Variants in PDZRN4 observed in about 807,000 individuals in gnomAD.
PDZRN4 encodes the protein PDZ domain-containing RING finger protein 4.
A neutral mutation model predicts 99.0 loss-of-function variants in PDZRN4; 70 were observed. The ratio of observed to expected loss-of-function variants is 0.71; its 90% CI spans 0.58 to 0.86. The LOEUF (loss-of-function observed/expected upper bound fraction) is 0.86. PDZRN4 is among the 40% of genes least tolerant of loss of function. The pLI is 0.00. For synonymous variants in PDZRN4, 551 were observed against 501.6 expected (o/e 1.10, Z -1.32); for missense variants, 1,474 against 1,331.2 (o/e 1.11, Z -1.67).
At chr12:41,469,878 A>C (rs542322509) in intron 3 of PDZRN4, among the ~76,000 whole-genome samples, 80 of 152,268 alleles carry the variant, frequency 5.3e-4, no homozygotes, top group African/African-American at 1.8e-3. Flanking sequence ...TGCAGTGAGC[A>C]GAGATCACGC....
chr12:41,505,250 C>A (rs1364465526), intron 3 of PDZRN4, among the ~76,000 whole-genome samples: 2 of 152,148 alleles, frequency 1.3e-5, no homozygotes, highest in Non-Finnish European at 2.9e-5. Context: ...GCCTCACCAA[C>A]AGGCGGGTGG....
intron 3 of PDZRN4, among the ~76,000 whole-genome samples, chr12:41,469,008 CA>C (rs11322310): frequency 0.53 from 74,776 of 141,110 alleles, 19,438 homozygotes; most frequent in African/African-American, 0.68. Context: ...GATTCTGTCT[CA>C]AAAAAAAAAA....
chr12:41,559,162 A>G (rs1939221340), intron 7 of PDZRN4, among the ~76,000 whole-genome samples: 1 of 142,814 alleles, frequency 7.0e-6, no homozygotes, highest in Non-Finnish European at 1.5e-5. Flanking sequence ...ACCCAATGAC[A>G]TCTCACTCAC....
chr12:41,511,164 C>T (rs549475394), intron 5 of PDZRN4, among the ~76,000 whole-genome samples: 9 of 152,010 alleles, frequency 5.9e-5, no homozygotes, highest in African/African-American at 1.9e-4. Context: ...ATCACTTCAA[C>T]TTTTTATTTG....
chr12:41,477,816 G>T, intron 3 of PDZRN4: 1 of 1,134,618 alleles, frequency 8.8e-7, no homozygotes, highest in Non-Finnish European at 1.3e-6. Flanking sequence ...ATGTGGTAAT[G>T]ATTTTGATTA....
chr12:41,386,745 C>G (rs1565568933), intron 3 of PDZRN4, among the ~76,000 whole-genome samples: 1 of 152,102 alleles, frequency 6.6e-6, no homozygotes, highest in South Asian at 2.1e-4. Context: ...ATACAGTAAC[C>G]AAAACAGGGT....
intron 9 of PDZRN4, among the ~76,000 whole-genome samples, chr12:41,569,648 T>C (rs1368457352): frequency 6.6e-6 from 1 of 152,244 alleles, no homozygotes. Flanking sequence ...TCTATCACTT[T>C]ACCATGTTGA....
chr12:41,218,833 T>G (rs1354523582), intron 3 of PDZRN4, among the ~76,000 whole-genome samples: 1 of 152,132 alleles, frequency 6.6e-6, no homozygotes, highest in East Asian at 1.9e-4. Flanking sequence ...TGAAGAAACT[T>G]TAACTGTAGA....
In PDZRN4 at chr12:41,555,052, CAAAAAAAAAAAAAA is replaced by C. The variant is rs67810817; in HGVS notation, c.1303-630_1303-617del. Among the ~76,000 whole-genome samples, 183 of 113,526 alleles carry C rather than the reference CAAAAAAAAAAAAAA, an allele frequency of 1.6e-3. 4 individuals are homozygous for C. Among genetic ancestry groups the C allele is most frequent in the African/African-American group, 5.7e-3 (167 of 29,352 alleles). 74.5% of individuals were successfully genotyped at this position (113,526 alleles called of 152,430 possible). ...TGAAACCCCATCTCTACTAAAAATACAAAAAAAAAAAAAAAAAAAAAAAAAAAAATTAGCCAGGC... is the reference window on the plus strand; with the variant it reads ...TGAAACCCCATCTCTACTAAAAATACAAAAAAAAAAAAAAATTAGCCAGGC... On this transcript the variant is annotated intron_variant, in intron 6 of 9. Coordinates refer to ENST00000402685, the MANE Select transcript of PDZRN4 (RefSeq NM_001164595.2).
intron 6 of PDZRN4, 138 bp from the exon 7 acceptor site, chr12:41,555,560 A>G: frequency 1.7e-6 from 1 of 595,222 alleles, no homozygotes. Flanking sequence ...TTTGTTGGAG[A>G]GAAATATTAT....
intron 3 of PDZRN4, among the ~76,000 whole-genome samples, chr12:41,453,766 C>T (rs2120510286): frequency 6.6e-6 from 1 of 152,084 alleles, no homozygotes; most frequent in Non-Finnish European, 1.5e-5. Flanking sequence ...TTGATTATTT[C>T]TCTGAAAGCG....
intron 3 of PDZRN4, among the ~76,000 whole-genome samples, chr12:41,323,045 G>GT (rs1171069983): frequency 6.6e-6 from 1 of 152,154 alleles, no homozygotes; most frequent in Non-Finnish European, 1.5e-5. Flanking sequence ...TCATCCCACT[G>GT]TGTCTGGCTG....
chr12:41,557,328 T>C (rs1202980719), intron 7 of PDZRN4, among the ~76,000 whole-genome samples: 1 of 152,086 alleles, frequency 6.6e-6, no homozygotes, highest in East Asian at 1.9e-4. Flanking sequence ...AGCGATAAGC[T>C]GTTAAAACGT....
At chr12:41,461,066 C>T (rs1210689085) in intron 3 of PDZRN4, among the ~76,000 whole-genome samples, 4 of 152,156 alleles carry the variant, frequency 2.6e-5, no homozygotes, top group Non-Finnish European at 5.9e-5. Context: ...GCAGCAGTTT[C>T]CCTGGGCCTT....
At chr12:41,510,097 A>AT (rs2120684348) in intron 5 of PDZRN4, among the ~76,000 whole-genome samples, 184 bp downstream of exon 5, 1 of 152,246 alleles carries the variant, frequency 6.6e-6, no homozygotes, top group South Asian at 2.1e-4. Flanking sequence ...ATTGGAAAAT[A>AT]TTTTTATAGT....
At chr12:41,334,738 A>G (rs900198875) in intron 3 of PDZRN4, among the ~76,000 whole-genome samples, 1 of 152,214 alleles carries the variant, frequency 6.6e-6, no homozygotes, top group Non-Finnish European at 1.5e-5. Flanking sequence ...AGAGGAGAAG[A>G]GATAAATCAT....
intron 3 of PDZRN4, among the ~76,000 whole-genome samples, chr12:41,293,978 A>G (rs558316640): frequency 6.6e-6 from 1 of 152,350 alleles, no homozygotes; most frequent in African/African-American, 2.4e-5. Flanking sequence ...ATGGCATTCA[A>G]TAAACAATAG....
intron 3 of PDZRN4, among the ~76,000 whole-genome samples, chr12:41,322,882 TTTTC>T (rs1344453383): frequency 3.9e-5 from 6 of 152,260 alleles, no homozygotes; most frequent in Middle Eastern, 3.4e-3. Flanking sequence ...TTTTTCTTTT[TTTTC>T]TTTCTTTCAT....
Position 41,399,015 on chromosome 12 carries a change from T to G in PDZRN4, c.844-107441T>G, listed in dbSNP as rs145223767. 3.4e-3 allele frequency among the ~76,000 whole-genome samples: 519 copies of G among 152,274 alleles called. 2 individuals carry two copies. Among genetic ancestry groups the G allele is most frequent in the African/African-American group, 0.012 (482 of 41,564 alleles). ...AAGCACTTGCAAAAGTATCTTTCAA[T>G]CCTTCCACTTATTTGAATTATTTTT... On this transcript the variant is annotated intron_variant, in intron 3 of 9. Transcript: ENST00000402685.
Sources: gnomAD v4.1 joint callset for allele counts (sites outside exome capture counted in the v4.1 genomes callset) on GRCh38, gnomAD v4.1.1 for gene constraint, MANE v1.5 for transcripts, NCBI Gene and HGNC (gene_info 2026-07-23, HGNC 2026-07-21) for gene names.